The following RAB4B variants were observed in gnomAD, a reference collection of about 807,000 sequenced individuals.
The protein encoded by RAB4B is ras-related protein Rab-4B.
In RAB4B, 15 loss-of-function variants were observed where a neutral mutation model predicts 28.3. The ratio of observed to expected loss-of-function variants is 0.53; its 90% CI spans 0.35 to 0.82. The LOEUF (loss-of-function observed/expected upper bound fraction) is 0.82, where lower values mean the gene tolerates loss of function less well. Among genes scored for constraint, RAB4B ranks in the 40% least tolerant of loss-of-function variants. RAB4B has a pLI of 0.01. For missense variants in RAB4B, 244 were observed against 288.5 expected (o/e 0.85, Z 1.12); for synonymous variants, 108 against 116.3 (o/e 0.93, Z 0.46).
Position 40,780,068 on chromosome 19 carries a change from A to G in RAB4B, c.66A>G (p.Ser22=). 1 of 1,611,938 alleles carries G rather than the reference A, an allele frequency of 6.2e-7. No individual in the cohort carries two copies. The change falls in exon 2 of 8, where the codon TCA becomes TCG. Residue 22 remains serine (S), a synonymous_variant. Coordinates refer to ENST00000357052, the MANE Select transcript of RAB4B (RefSeq NM_016154.5). ...TTGGCAGTGCAGGAACTGGCAAATC[A>G]TGTCTCCTTCATCAGTTCATTGAGA... ...LVIGSAGTGK[S]CLLHQFIENK...
chr19:40,788,481 T>A (rs113190106), intron 7 of RAB4B, among the ~76,000 whole-genome samples: 2,000 of 67,068 alleles, frequency 0.03, 102 homozygotes, highest in African/African-American at 0.043. Context: ...GCGAGACTCT[T>A]AAAAAAAAAA....
chr19:40,795,317 C>T (rs1379318485), intron 7 of RAB4B, among the ~76,000 whole-genome samples: 1 of 151,978 alleles, frequency 6.6e-6, no homozygotes, highest in Non-Finnish European at 1.5e-5. Flanking sequence ...GACTTAGAGC[C>T]AGGGTGATCC....
intron 1 of RAB4B, 197 bp from the exon 2 acceptor site, chr19:40,779,822 A>G (rs1233412801): frequency 5.3e-6 from 7 of 1,321,024 alleles, no homozygotes; most frequent in East Asian, 2.7e-5. Flanking sequence ...AAAAAAATAT[A>G]TAGAATGTGC....
chr19:40,779,771 A>T (rs2145036116), intron 1 of RAB4B: 1 of 932,840 alleles, frequency 1.1e-6, no homozygotes, highest in South Asian at 2.5e-5. Flanking sequence ...CGACAAAAAA[A>T]CCCCTGCACA....
intron 5 of RAB4B, among the ~76,000 whole-genome samples, chr19:40,785,089 A>C (rs1157629446): frequency 1.3e-5 from 2 of 152,006 alleles, no homozygotes; most frequent in African/African-American, 2.4e-5. Context: ...CTGGGATTAC[A>C]GGCGTGAGAC....
intron 5 of RAB4B, chr19:40,785,626 C>T (rs1205948978): frequency 1.3e-5 from 2 of 152,234 alleles, no homozygotes; most frequent in Non-Finnish European, 2.9e-5. Flanking sequence ...TTTGCAACCT[C>T]CAGGTTTAAA....
rs2083072783 is a variant in RAB4B, at chr19:40,783,769, G to GC, written c.213-5dup. 1.4e-6 allele frequency: 2 copies of GC among 1,475,920 alleles called. No homozygotes were observed. The allele number at this position is 1,475,920 out of a possible 1,614,324, so 91.4% of individuals were successfully genotyped here. A position where few individuals can be genotyped will look rare whatever the true frequency, so the allele number is the denominator to read the frequency against. On this transcript the variant is annotated splice_polypyrimidine_tract_variant and intron_variant, in intron 3 of 7. Transcript: ENST00000357052. The stretch of plus-strand genomic sequence containing the variant: ...CCTTGGGGGTGACTGGGTCCCCCTG[G>GC]CCCCACAGGTCAGTGACGCGGAGTT...
chr19:40,789,223 A>T (rs1248858066), intron 7 of RAB4B, among the ~76,000 whole-genome samples: 2 of 148,964 alleles, frequency 1.3e-5, no homozygotes, highest in Non-Finnish European at 3.0e-5. Context: ...TTTTTCTGAG[A>T]TGGAGTTTCA....
chr19:40,786,800 C>T (rs2083103829), intron 6 of RAB4B, 40 bp downstream of exon 6: 2 of 1,614,024 alleles, frequency 1.2e-6, no homozygotes, highest in Non-Finnish European at 1.7e-6. Context: ...GAAGGGCAGG[C>T]CCGGGGGTCT....
intron 1 of RAB4B, chr19:40,779,003 G>A (rs565606873): frequency 1.4e-4 from 136 of 985,650 alleles, no homozygotes; most frequent in Non-Finnish European, 1.5e-4. Flanking sequence ...AGAGGGAGCC[G>A]CATTCACTCA....
At chr19:40,778,540 C>A in intron 1 of RAB4B, 149 bp downstream of exon 1, 2 of 762,718 alleles carry the variant, frequency 2.6e-6, no homozygotes, top group South Asian at 2.6e-5. Flanking sequence ...TTTAGTGGGT[C>A]TGAGGCTGAG....
In RAB4B at chr19:40,784,444, G is replaced by T. The variant is rs117604984; in HGVS notation, c.430+369G>T. Among the ~76,000 whole-genome samples, 274 of 152,246 alleles carry T rather than the reference G, an allele frequency of 1.8e-3. 8 individuals are homozygous for T. In the East Asian group the frequency reaches 0.047, roughly 26 times the overall value. ...AGAGTTTAAGACTGCAGTGAGCTGT[G>T]ATCACGCCATTGTACTCCAGTCTGG... On this transcript the variant is annotated intron_variant, in intron 5 of 7. Transcript: ENST00000357052.
At chr19:40,780,275 C>G (rs141640125) in intron 2 of RAB4B, 110 bp from the exon 3 acceptor site, 288 of 1,430,596 alleles carry the variant, frequency 2.0e-4, no homozygotes, top group South Asian at 1.5e-3. Flanking sequence ...TCAAGTCACT[C>G]CAGCAAGGAG....
At chr19:40,787,461 G>C (rs1388001061) in intron 7 of RAB4B, among the ~76,000 whole-genome samples, 1 of 151,986 alleles carries the variant, frequency 6.6e-6, no homozygotes, top group Non-Finnish European at 1.5e-5. Flanking sequence ...CTTGAACCTG[G>C]GAGGTGGAGG....
chr19:40,791,949 G>T (rs2083163636), intron 7 of RAB4B, among the ~76,000 whole-genome samples: 1 of 152,274 alleles, frequency 6.6e-6, no homozygotes, highest in Non-Finnish European at 1.5e-5. Flanking sequence ...TTCTTGACAG[G>T]CTTTCAAAAC....
chr19:40,779,910 C>T, intron 1 of RAB4B, 109 bp from the exon 2 acceptor site: 2 of 1,591,854 alleles, frequency 1.3e-6, no homozygotes, highest in South Asian at 1.1e-5. Flanking sequence ...GTCTGTTTCT[C>T]TCCCTCTAAC....
rs771172562 is a variant in RAB4B at position 40,784,054 on chromosome 19, T to G, written c.409T>G (p.Ser137Ala). 1.2e-4 allele frequency: 191 copies of G among 1,612,868 alleles called. No individual in the cohort carries two copies. Among genetic ancestry groups the G allele is most frequent in the Non-Finnish European group, 1.6e-4 (185 of 1,179,228 alleles). The change falls in exon 5 of 8, where the codon TCC becomes GCC. Residue 137 changes from serine to alanine, a missense_variant. By Grantham distance (99) the Ser-to-Ala change is moderately conservative (BLOSUM62 1). Coordinates refer to ENST00000357052, the MANE Select transcript of RAB4B (RefSeq NM_016154.5). The part of the protein sequence containing the change: ...PEREVTFLEA[S>A]RFAQENELMF... ...GCGGGAGGTCACTTTCCTGGAGGCC[T>G]CCCGCTTTGCCCAGGAGAATGGTGA...
chr19:40,786,501 C>T (rs1035977974), intron 5 of RAB4B, 164 bp from the exon 6 acceptor site: 20 of 1,040,260 alleles, frequency 1.9e-5, no homozygotes, highest in East Asian at 8.4e-5. Context: ...GTGGGCATAT[C>T]GGGAAGCGGA....
At chr19:40,790,573 C>T (rs1362173030) in intron 7 of RAB4B, among the ~76,000 whole-genome samples, 4 of 150,862 alleles carry the variant, frequency 2.7e-5, no homozygotes, top group Non-Finnish European at 5.9e-5. Context: ...TGGGGTTTCA[C>T]GGTGTTAGCC....
Sources: gnomAD v4.1 joint callset for allele counts (sites outside exome capture counted in the v4.1 genomes callset) on GRCh38, gnomAD v4.1.1 for gene constraint, MANE v1.5 for transcripts, NCBI Gene and HGNC (gene_info 2026-07-23, HGNC 2026-07-21) for gene names.